ITPKB: variants seen among roughly 807,000 people sequenced by gnomAD.
ITPKB encodes inositol-trisphosphate 3-kinase B.
Under a neutral mutation model 69.4 loss-of-function variants are expected in ITPKB, and 13 were observed. The observed-to-expected ratio is 0.19, with a 90% CI of 0.12 to 0.30. The LOEUF is 0.30. Among genes scored for constraint, ITPKB ranks in the 10% least tolerant of loss-of-function variants. The pLI is 1.00. For missense variants in ITPKB, 1,240 were observed against 1,250.5 expected (o/e 0.99, Z 0.13); for synonymous variants, 584 against 513.7 (o/e 1.14, Z -1.85).
At chr1:226,679,160 T>C (rs897254941) in intron 2 of ITPKB, among the ~76,000 whole-genome samples, 5 of 151,318 alleles carry the variant, frequency 3.3e-5, no homozygotes, top group Non-Finnish European at 5.9e-5. Context: ...GCTGACAGCG[T>C]CTATTCAGAA....
At chr1:226,652,997 G>T (rs189883323) in intron 2 of ITPKB, among the ~76,000 whole-genome samples, 7 of 152,142 alleles carry the variant, frequency 4.6e-5, no homozygotes, top group Admixed American at 3.9e-4. Context: ...GTCATCTCTC[G>T]GGGAGATAGG....
At position 226,689,051 on chromosome 1, in the gene ITPKB, G is replaced by A. The variant is rs578258287; in HGVS notation, c.1933-40280C>T. ...AACACAGCCCTCTCCAAGGAGAGAC[G>A]TTTAGCTTTATGAAAATTCCTAAAG... On this transcript the variant is annotated intron_variant, in intron 2 of 7. Coordinates refer to ENST00000429204, the MANE Select transcript of ITPKB (RefSeq NM_002221.4). 1.8e-4 allele frequency among the ~76,000 whole-genome samples: 28 copies of A among 152,244 alleles called. No homozygotes were observed. The South Asian group carries it at 5.0e-3, about 27-fold the overall frequency.
chr1:226,683,743 T>C (rs1324301775), intron 2 of ITPKB, among the ~76,000 whole-genome samples: 2 of 152,132 alleles, frequency 1.3e-5, no homozygotes, highest in Admixed American at 6.5e-5. Context: ...TATGCCTCTC[T>C]CCTTTCTTCA....
chr1:226,680,960 G>A (rs1025427597), intron 2 of ITPKB, among the ~76,000 whole-genome samples: 4 of 152,114 alleles, frequency 2.6e-5, no homozygotes, highest in African/African-American at 7.2e-5. Context: ...GAAAAAGTCC[G>A]CAGCTATGAA....
In ITPKB at chr1:226,737,315, G is replaced by A. The variant is rs765455655; in HGVS notation, c.144C>T (p.Phe48=). 1.9e-6 allele frequency: 3 copies of A among 1,587,922 alleles called. No individual in the cohort carries two copies. In the Admixed American group the frequency reaches 5.2e-5, roughly 28 times the overall value. Residue 48 remains phenylalanine (F), a synonymous_variant, in exon 2 of 8, where the codon TTC becomes TTT. Transcript: ENST00000429204. ...RRAVLSPGSV[F]SPGRGASFLF... is the part of the protein sequence containing the mutation. ...GGAAAGAGGCGCCTCTCCCGGGGCTGAAAACGCTGCCGGGGCTCAGCACTG... is the reference window on the plus strand; with the variant it reads ...GGAAAGAGGCGCCTCTCCCGGGGCTAAAAACGCTGCCGGGGCTCAGCACTG...
chr1:226,721,456 G>A (rs1657241294), intron 2 of ITPKB, among the ~76,000 whole-genome samples: 1 of 151,212 alleles, frequency 6.6e-6, no homozygotes, highest in South Asian at 2.1e-4. Context: ...GGGAACTTAT[G>A]TTCCCTTTTA....
chr1:226,709,357 C>T (rs1432868184), intron 2 of ITPKB, among the ~76,000 whole-genome samples: 3 of 152,182 alleles, frequency 2.0e-5, no homozygotes, highest in Non-Finnish European at 2.9e-5. Context: ...TCTGGGCTGC[C>T]GTGGGTGTGT....
intron 2 of ITPKB, among the ~76,000 whole-genome samples, chr1:226,692,380 G>A (rs12404031): frequency 0.24 from 35,873 of 152,058 alleles, 4,476 homozygotes; most frequent in East Asian, 0.34. Context: ...CCCAGCTGCT[G>A]TGTCCCAAGT....
At chr1:226,684,923 C>T (rs1306334391) in intron 2 of ITPKB, among the ~76,000 whole-genome samples, 1 of 152,200 alleles carries the variant, frequency 6.6e-6, no homozygotes, top group Non-Finnish European at 1.5e-5. Context: ...CGTTCACACC[C>T]CTGGGTCAAC....
chr1:226,643,486 C>G (rs1428217270), intron 4 of ITPKB, among the ~76,000 whole-genome samples: 3 of 152,228 alleles, frequency 2.0e-5, no homozygotes, highest in African/African-American at 7.2e-5. Flanking sequence ...CCCCGCCCGC[C>G]TGCCCTCCAC....
rs556198952 is a variant in ITPKB at position 226,733,393 on chromosome 1, A to G, written c.1932+2134T>C. Among the ~76,000 whole-genome samples the G allele has an allele frequency of 1.2e-3, 186 of 152,222 alleles. 1 individual carries two copies. In the Middle Eastern group the frequency reaches 0.014, roughly 11 times the overall value. ...CTGGCCTTCTGTAGACAAAATATCTATTGCAGGTAATCAAGTGATTTTTGA... is the reference window on the plus strand; with the variant it reads ...CTGGCCTTCTGTAGACAAAATATCTGTTGCAGGTAATCAAGTGATTTTTGA... On this transcript the variant is annotated intron_variant, in intron 2 of 7. Coordinates refer to ENST00000429204, the MANE Select transcript of ITPKB (RefSeq NM_002221.4).
intron 3 of ITPKB, 69 bp from the exon 4 acceptor site, chr1:226,647,449 A>C: frequency 8.3e-7 from 1 of 1,199,156 alleles, no homozygotes; most frequent in East Asian, 2.5e-5. Context: ...CCTCCCCAGC[A>C]CAGGGTCTGG....
At chr1:226,686,574 T>G (rs1656220699) in intron 2 of ITPKB, among the ~76,000 whole-genome samples, 1 of 152,180 alleles carries the variant, frequency 6.6e-6, no homozygotes, top group Non-Finnish European at 1.5e-5. Flanking sequence ...TGAAACTGCG[T>G]CAGCGTGCGG....
At chr1:226,684,921 C>A (rs184985086) in intron 2 of ITPKB, among the ~76,000 whole-genome samples, 3 of 152,304 alleles carry the variant, frequency 2.0e-5, no homozygotes, top group South Asian at 2.1e-4. Context: ...ACCGTTCACA[C>A]CCCTGGGTCA....
rs1232018375 is a variant in ITPKB at position 226,736,690 on chromosome 1, T to A, written c.769A>T (p.Met257Leu). 6 of 1,612,868 alleles carry A rather than the reference T, an allele frequency of 3.7e-6. No individual in the cohort carries two copies. The highest frequency in any genetic ancestry group is 5.1e-6 in the Non-Finnish European group (6 of 1,179,860). The stretch of plus-strand genomic sequence containing the variant: ...GGACTGGCAGGGATACCCTTCTCCA[T>A]CCTTACAAAAGCGGATGGACCCTGA... ...EAQGPSAFVR[M>L]EKGIPASPRC... The change falls in exon 2 of 8, where the codon ATG (methionine) becomes TTG (leucine). Residue 257 changes from methionine (M) to leucine (L), a missense_variant. This residue lies in a region of ITPKB where 992 missense variants were observed against 853.8 expected (regional missense o/e 1.16). Coordinates refer to ENST00000429204, the MANE Select transcript of ITPKB (RefSeq NM_002221.4).
At chr1:226,659,337 A>G (rs1382341460) in intron 2 of ITPKB, among the ~76,000 whole-genome samples, 1 of 152,008 alleles carries the variant, frequency 6.6e-6, no homozygotes, top group Non-Finnish European at 1.5e-5. Flanking sequence ...GGGCCTCACC[A>G]AGGCTCCCTG....
At chr1:226,648,893 G>T in intron 2 of ITPKB, 122 bp from the exon 3 acceptor site, 1 of 715,164 alleles carries the variant, frequency 1.4e-6, no homozygotes, top group Non-Finnish European at 2.5e-6. Context: ...CCCTTGACGG[G>T]CTCTGAGGAC....
At chr1:226,702,346 G>A (rs919968110) in intron 2 of ITPKB, among the ~76,000 whole-genome samples, 5 of 151,220 alleles carry the variant, frequency 3.3e-5, no homozygotes, top group Non-Finnish European at 4.4e-5. Context: ...TGCAGTGAGC[G>A]GACATCACGC....
intron 2 of ITPKB, among the ~76,000 whole-genome samples, chr1:226,649,459 GAT>G (rs1238546226): frequency 1.4e-5 from 2 of 143,364 alleles, no homozygotes; most frequent in African/African-American, 5.2e-5. Flanking sequence ...GTGCATGTGT[GAT>G]ATGTGCATGT....
Sources: allele counts gnomAD v4.1 joint callset (sites outside exome capture counted in the v4.1 genomes callset), GRCh38; gene constraint gnomAD v4.1.1; regional missense constraint gnomAD v4.1.1; transcripts MANE v1.5; gene names NCBI Gene and HGNC (gene_info 2026-07-23, HGNC 2026-07-21).